Variants in TMEM71 observed in about 807,000 individuals in gnomAD.
The protein encoded by TMEM71 is transmembrane protein 71.
A neutral mutation model predicts 38.0 loss-of-function variants in TMEM71; 44 were observed. The observed-to-expected ratio is 1.16, with a 90% CI of 0.91 to 1.49. TMEM71 has a LOEUF of 1.49. Among genes scored for constraint, TMEM71 ranks in the 40% most tolerant of loss-of-function variants. TMEM71 has a pLI of 0.00. For missense variants in TMEM71, 367 were observed against 348.6 expected, an observed-to-expected ratio of 1.05 and a Z score of -0.42; for synonymous variants, 133 against 122.5, an observed-to-expected ratio of 1.09 and a Z score of -0.56.
intron 4 of TMEM71, among the ~76,000 whole-genome samples, chr8:132,750,318 A>G (rs532871350): frequency 1.3e-5 from 2 of 152,304 alleles, no homozygotes; most frequent in South Asian, 4.1e-4. Flanking sequence ...CCTCATCAAC[A>G]AGGGTAGAGT....
rs188030484 is a variant in TMEM71 at position 132,745,808 on chromosome 8, C to T, written c.487+1134G>A. Among the ~76,000 whole-genome samples, 482 of 151,854 alleles carry T rather than the reference C, an allele frequency of 3.2e-3. 2 individuals are homozygous for T. The highest frequency in any genetic ancestry group is 0.017 in the Middle Eastern group (5 of 294). Reference sequence around the variant, plus strand: ...ATTGAATTGAATGAAGAAAATGGTACATATACACCATGGAATACTACACAG... The same window carrying T: ...ATTGAATTGAATGAAGAAAATGGTATATATACACCATGGAATACTACACAG... On this transcript the variant is annotated intron_variant, in intron 5 of 9. Transcript: ENST00000677595.
chr8:132,770,187 G>A, the TMEM71 span, among the ~76,000 whole-genome samples: 39 of 152,262 alleles, frequency 2.6e-4, 2 homozygotes, highest in South Asian at 7.9e-3. Flanking sequence ...CATTTGGCTT[G>A]GTTTTCTAAC....
intron 6 of TMEM71, among the ~76,000 whole-genome samples, chr8:132,725,173 A>G (rs180804377): frequency 1.2e-3 from 190 of 152,104 alleles, no homozygotes; most frequent in Non-Finnish European, 8.4e-4. Context: ...AGCTAGCTGG[A>G]AATTCAGGCA....
the TMEM71 span, among the ~76,000 whole-genome samples, chr8:132,773,040 T>C: frequency 2.0e-5 from 3 of 152,340 alleles, no homozygotes; most frequent in Admixed American, 1.3e-4. Flanking sequence ...AAAATACTTA[T>C]ATGTGAAATG....
rs372434116 is a variant in TMEM71 at position 132,713,600 on chromosome 8, T to A, written c.872+395A>T. Among the ~76,000 whole-genome samples, 3 of 152,290 alleles carry A rather than the reference T, an allele frequency of 2.0e-5. No individual in the cohort carries two copies. The South Asian group carries it at 6.2e-4, about 32-fold the overall frequency. On this transcript the variant is annotated intron_variant, in intron 9 of 9. Coordinates refer to ENST00000677595, the MANE Select transcript of TMEM71 (RefSeq NM_001382403.1). ...ACACACAAGGGGATCATTAAATGAA[T>A]AAGAGAAGGCACAGAAATCACAGTT...
chr8:132,721,610 G>T (rs1826852812), intron 7 of TMEM71, among the ~76,000 whole-genome samples: 1 of 151,050 alleles, frequency 6.6e-6, no homozygotes, highest in African/African-American at 2.4e-5. Flanking sequence ...GCAATGGCGG[G>T]ATCTCAGCTC....
chr8:132,766,996 C>T, the TMEM71 span, among the ~76,000 whole-genome samples: 1 of 152,106 alleles, frequency 6.6e-6, no homozygotes, highest in East Asian at 1.9e-4. Flanking sequence ...GAGTAACTTC[C>T]ATCAAAACTT....
At chr8:132,741,430 C>T (rs1828029479) in intron 5 of TMEM71, among the ~76,000 whole-genome samples, 2 of 152,116 alleles carry the variant, frequency 1.3e-5, no homozygotes, top group Non-Finnish European at 2.9e-5. Context: ...GGGACCACTA[C>T]CACCAATGCG....
At chr8:132,758,575 A>G in intron 2 of TMEM71, 1 of 421,286 alleles carries the variant, frequency 2.4e-6, no homozygotes, top group Middle Eastern at 6.4e-4. Flanking sequence ...GTAGCTGATA[A>G]ACAATCTCCT....
chr8:132,727,337 A>G (rs1348097996), intron 6 of TMEM71, among the ~76,000 whole-genome samples: 1 of 148,948 alleles, frequency 6.7e-6, no homozygotes, highest in East Asian at 2.0e-4. Flanking sequence ...GCTCACTGCA[A>G]CCTCTGCCTC....
At chr8:132,737,570 C>T (rs1041433992) in intron 5 of TMEM71, among the ~76,000 whole-genome samples, 6 of 152,334 alleles carry the variant, frequency 3.9e-5, no homozygotes, top group East Asian at 1.9e-4. Flanking sequence ...CCTGGCTATG[C>T]GACTTCTTAC....
intron 5 of TMEM71, among the ~76,000 whole-genome samples, chr8:132,741,948 C>T (rs186568788): frequency 4.6e-5 from 7 of 152,342 alleles, no homozygotes; most frequent in African/African-American, 1.4e-4. Flanking sequence ...CGCTAAACCT[C>T]GGTCCACCTG....
At chr8:132,743,303 T>G (rs1012325438) in intron 5 of TMEM71, among the ~76,000 whole-genome samples, 3 of 152,100 alleles carry the variant, frequency 2.0e-5, no homozygotes, top group Admixed American at 2.0e-4. Context: ...TTTATTTCCT[T>G]ACCTCTCATT....
the TMEM71 span, among the ~76,000 whole-genome samples, chr8:132,774,184 C>T: frequency 6.6e-6 from 1 of 152,226 alleles, no homozygotes; most frequent in Admixed American, 6.5e-5. Context: ...ATAATCCTGT[C>T]ATGTCCTAAG....
In TMEM71 at chr8:132,751,893, G is replaced by A. The variant is rs777965687; in HGVS notation, c.206C>T (p.Thr69Ile). 6.2e-7 allele frequency: 1 copy of A among 1,614,052 alleles called. No individual in the cohort carries two copies. The highest frequency in any genetic ancestry group is 2.2e-5 in the East Asian group (1 of 44,872). The change falls in exon 4 of 10, where the codon ACC becomes ATC. Residue 69 changes from threonine to isoleucine, a missense_variant. Thr to Ile is a moderately conservative substitution (Grantham distance 89). Coordinates refer to ENST00000677595, the MANE Select transcript of TMEM71 (RefSeq NM_001382403.1). The part of the protein sequence containing the change: ...YTCRRSPRLL[T>I]NGYYIWTEDS... ...TTCAGTCCAAATATAGTAGCCATTGGTGAGGAGTCTGGGACTTCGGCGACA... is the reference window on the plus strand; with the variant it reads ...TTCAGTCCAAATATAGTAGCCATTGATGAGGAGTCTGGGACTTCGGCGACA...
At position 132,740,689 on chromosome 8, in the gene TMEM71, T is replaced by C. The variant is rs552825519; in HGVS notation, c.487+6253A>G. 1.8e-4 allele frequency among the ~76,000 whole-genome samples: 28 copies of C among 152,278 alleles called. 2 individuals carry two copies. The South Asian group carries it at 5.2e-3, about 28-fold the overall frequency. On this transcript the variant is annotated intron_variant, in intron 5 of 9. Transcript: ENST00000677595. ...ATCAGTGTGATCTGTGTCAATTGCA[T>C]GTAAGGGAAAGGACAACGGTGGAGT...
chr8:132,757,741 G>T (rs570122430), intron 2 of TMEM71, among the ~76,000 whole-genome samples: 1 of 151,552 alleles, frequency 6.6e-6, no homozygotes, highest in African/African-American at 2.4e-5. Context: ...CAGGAGAATG[G>T]CGTGAACCTG....
At chr8:132,713,535 C>A (rs1224311077) in intron 9 of TMEM71, among the ~76,000 whole-genome samples, 1 of 152,084 alleles carries the variant, frequency 6.6e-6, no homozygotes, top group African/African-American at 2.4e-5. Flanking sequence ...CCCAACCAGA[C>A]CCCAGTAACC....
intron 7 of TMEM71, among the ~76,000 whole-genome samples, chr8:132,721,715 T>G (rs1047530611): frequency 1.3e-5 from 2 of 151,982 alleles, no homozygotes; most frequent in Non-Finnish European, 2.9e-5. Context: ...CCTGGCTAAT[T>G]TCATACTTTT....
Sources: allele counts gnomAD v4.1 joint callset (sites outside exome capture counted in the v4.1 genomes callset), GRCh38; gene constraint gnomAD v4.1.1; transcripts MANE v1.5; gene names NCBI Gene and HGNC (gene_info 2026-07-23, HGNC 2026-07-21).